FRAS1: variants seen among roughly 807,000 people sequenced by gnomAD.
The protein encoded by FRAS1 is Fraser extracellular matrix complex subunit 1.
Under a neutral mutation model 435.2 loss-of-function variants are expected in FRAS1, and 290 were observed. That is an observed-to-expected ratio of 0.67 (90% CI 0.61 to 0.73). The LOEUF is 0.73. Ranked by LOEUF, FRAS1 falls within the 30% of genes least tolerant of loss-of-function variation. The pLI, the probability that FRAS1 is intolerant of heterozygous loss-of-function variation, is 0.00. For synonymous variants in FRAS1, 1,800 were observed against 1,851.0 expected, an observed-to-expected ratio of 0.97 and a Z score of 0.71; for missense variants, 4,860 against 5,001.5, an observed-to-expected ratio of 0.97 and a Z score of 0.85.
intron 2 of FRAS1, among the ~76,000 whole-genome samples, chr4:78,082,866 G>C (rs1740958131): frequency 6.6e-6 from 1 of 152,052 alleles, no homozygotes; most frequent in Non-Finnish European, 1.5e-5. Context: ...AGAAGTATTG[G>C]TTGTGAGTTA....
intron 15 of FRAS1, among the ~76,000 whole-genome samples, chr4:78,312,879 G>GAGAA (rs61444789): frequency 0.034 from 4,408 of 129,000 alleles, 99 homozygotes; most frequent in Middle Eastern, 0.048. Context: ...GAGAGAGAGA[G>GAGAA]AGAAAGAAAG....
At chr4:78,272,047 G>A (rs1726726171) in intron 9 of FRAS1, among the ~76,000 whole-genome samples, 1 of 152,172 alleles carries the variant, frequency 6.6e-6, no homozygotes, top group Non-Finnish European at 1.5e-5. Context: ...GTTTTGATTT[G>A]CATTTCTCTG....
intron 2 of FRAS1, among the ~76,000 whole-genome samples, chr4:78,160,194 T>C (rs908180352): frequency 1.3e-5 from 2 of 152,238 alleles, no homozygotes; most frequent in African/African-American, 4.8e-5. Flanking sequence ...GCCTAAGTAA[T>C]GTGTTTATAT....
Position 78,452,364 on chromosome 4 carries a change from T to C in FRAS1, c.6763+10T>C, listed in dbSNP as rs1212706961. ...CATGCAGCATCACCAGGTAAGTCTA[T>C]CATCTCTTGATTTACTGAATCAAAA... On this transcript the variant is annotated intron_variant, in intron 47 of 73. Transcript: ENST00000512123. The C allele has an allele frequency of 6.3e-7, 1 of 1,587,406 alleles. No homozygotes were observed. The highest frequency in any genetic ancestry group is 1.2e-5 in the South Asian group (1 of 85,920).
chr4:78,448,287 C>G lies in FRAS1; in HGVS notation c.6245C>G (p.Ala2082Gly). 1 of 1,610,588 alleles carries G rather than the reference C, an allele frequency of 6.2e-7. No homozygotes were observed. Among genetic ancestry groups the G allele is most frequent in the Non-Finnish European group, 8.5e-7 (1 of 1,178,718 alleles). Residue 2082 changes from alanine to glycine, a missense_variant, in exon 44 of 74, where the codon GCT becomes GGT. Transcript: ENST00000512123. Reference sequence around the variant, plus strand: ...CCTGCAAGTGACACACCTCACTTGGCTATAAACCAAGGCCTACAGCTCTCA... The same window carrying G: ...CCTGCAAGTGACACACCTCACTTGGGTATAAACCAAGGCCTACAGCTCTCA... ...ELPASDTPHL[A>G]INQGLQLSAG... is the part of the protein sequence containing the mutation.
At chr4:78,376,832 A>C (rs1352347782) in intron 26 of FRAS1, among the ~76,000 whole-genome samples, 2 of 152,138 alleles carry the variant, frequency 1.3e-5, no homozygotes, top group African/African-American at 4.8e-5. Context: ...CTCTACTAAA[A>C]ATACAAAAAT....
intron 2 of FRAS1, among the ~76,000 whole-genome samples, chr4:78,114,351 T>G (rs58069750): frequency 2.6e-5 from 4 of 152,176 alleles, no homozygotes; most frequent in African/African-American, 9.7e-5. Flanking sequence ...AAGTAGTTTT[T>G]TCCAATTCTG....
intron 44 of FRAS1, 98 bp downstream of exon 44, chr4:78,448,414 C>A: frequency 8.7e-7 from 1 of 1,150,336 alleles, no homozygotes; most frequent in Non-Finnish European, 1.2e-6. Context: ...GATGTGGGTG[C>A]ATCTTAAAGT....
At position 78,363,560 on chromosome 4, in the gene FRAS1, G is replaced by A. The variant is rs565281112; in HGVS notation, c.2470G>A (p.Gly824Arg). 6.2e-7 allele frequency: 1 copy of A among 1,613,312 alleles called. No homozygotes were observed. Among genetic ancestry groups the A allele is most frequent in the Admixed American group, 1.7e-5 (1 of 59,984 alleles). ...CTGTGCAGCTGATCTCCACAACACT[G>A]GGAGCATCTGCCTCAGGTGCCAGAA... ...QHCAADLHNTGSICLRCQNAH... is the reference protein window; with the variant it reads ...QHCAADLHNTRSICLRCQNAH... Residue 824 changes from glycine to arginine, a missense_variant, in exon 21 of 74, where the codon GGG becomes AGG. Transcript: ENST00000512123.
In FRAS1 at chr4:78,333,139, G is replaced by A. The variant is rs1325844954; in HGVS notation, c.2138-133G>A. 3.1e-6 allele frequency: 3 copies of A among 973,326 alleles called. No homozygotes were observed. In the Admixed American group the frequency reaches 1.1e-4, roughly 36 times the overall value. The allele number at this position is 973,326 out of a possible 1,614,324, so 60.3% of individuals were successfully genotyped here. ...TAGAGGGAAGTGTGTGAGATGTGCA[G>A]CCTGTCATTGGGAAAACCAAGTGAA... On this transcript the variant is annotated intron_variant, in intron 18 of 73. Coordinates refer to ENST00000512123, the MANE Select transcript of FRAS1 (RefSeq NM_025074.7).
At chr4:78,498,128 C>A (rs11731074) in intron 60 of FRAS1, among the ~76,000 whole-genome samples, 114,298 of 152,052 alleles carry the variant, frequency 0.75, 43,999 homozygotes, top group East Asian at 1. Flanking sequence ...CATTAGGAGA[C>A]ATACCTAATG....
chr4:78,280,580 C>CTTTTTTTTTTTTTTTTT (rs34405763), intron 10 of FRAS1, among the ~76,000 whole-genome samples: 1 of 141,886 alleles, frequency 7.0e-6, no homozygotes. Context: ...TTCCTCCATA[C>CTTTTTTTTTTTTTTTTT]TTTTTTTTTT....
chr4:78,375,902 T>A, intron 26 of FRAS1, 23 bp downstream of exon 26: 1 of 1,612,886 alleles, frequency 6.2e-7, no homozygotes, highest in East Asian at 2.2e-5. Context: ...CCTCAGATGG[T>A]CTGGTGAATT....
intron 23 of FRAS1, among the ~76,000 whole-genome samples, chr4:78,371,091 G>GTT (rs369342938): frequency 3.1e-4 from 38 of 124,300 alleles, no homozygotes; most frequent in African/African-American, 4.3e-4. Flanking sequence ...CTGTTTTTTT[G>GTT]TTTTTTTTTT....
intron 41 of FRAS1, among the ~76,000 whole-genome samples, chr4:78,443,245 C>G (rs1013369289): frequency 6.6e-6 from 1 of 152,108 alleles, no homozygotes; most frequent in African/African-American, 2.4e-5. Flanking sequence ...GTAGTCCCAG[C>G]TACTTGGGAG....
intron 35 of FRAS1, 66 bp from the exon 36 acceptor site, chr4:78,429,029 T>A: frequency 6.7e-7 from 1 of 1,483,224 alleles, no homozygotes; most frequent in Non-Finnish European, 9.1e-7. Flanking sequence ...TTGATTCGTG[T>A]GTGTGTGTGC....
chr4:78,230,937 T>C (rs1043695494), intron 2 of FRAS1, among the ~76,000 whole-genome samples: 1 of 152,206 alleles, frequency 6.6e-6, no homozygotes, highest in African/African-American at 2.4e-5. Context: ...TTTTGTTTTT[T>C]TACCTTATAT....
At chr4:78,191,826 A>G (rs1000049654) in intron 2 of FRAS1, among the ~76,000 whole-genome samples, 4 of 152,136 alleles carry the variant, frequency 2.6e-5, no homozygotes, top group African/African-American at 4.8e-5. Flanking sequence ...TTTGCTGAGA[A>G]TGATGGTTTC....
At chr4:78,201,297 A>G (rs1396402450) in intron 2 of FRAS1, among the ~76,000 whole-genome samples, 1 of 152,240 alleles carries the variant, frequency 6.6e-6, no homozygotes, top group Non-Finnish European at 1.5e-5. Flanking sequence ...ATTAAGTACC[A>G]ATTCCAAAAG....
Sources: gnomAD v4.1 joint callset for allele counts (sites outside exome capture counted in the v4.1 genomes callset) on GRCh38, gnomAD v4.1.1 for gene constraint, MANE v1.5 for transcripts, NCBI Gene and HGNC (gene_info 2026-07-23, HGNC 2026-07-21) for gene names.